Variants in MAGI3 observed in about 807,000 individuals in gnomAD.
MAGI3 encodes the protein membrane-associated guanylate kinase, WW and PDZ domain-containing protein 3.
MAGI3 carries 43 observed loss-of-function variants against 121.8 expected under a neutral mutation model. The observed-to-expected ratio is 0.35, with a 90% CI of 0.28 to 0.46. The LOEUF (loss-of-function observed/expected upper bound fraction) is 0.46. MAGI3 is among the 20% of genes least tolerant of loss of function. MAGI3 has a pLI of 1.00. For missense variants in MAGI3, 1,547 were observed against 1,797.3 expected, an observed-to-expected ratio of 0.86 and a Z score of 2.52; for synonymous variants, 553 against 639.3, an observed-to-expected ratio of 0.86 and a Z score of 2.04.
chr1:113,642,124 G>T lies in MAGI3; in HGVS notation c.1574G>T (p.Cys525Phe). ...NGQSLTKGET[C>F]MNPQDFKPGA... ...CAGTCATTAACCAAGGGAGAGACTTGCATGAATCCTCAGGATTTTAAGCCA... is the reference window on the plus strand; with the variant it reads ...CAGTCATTAACCAAGGGAGAGACTTTCATGAATCCTCAGGATTTTAAGCCA... Residue 525 changes from cysteine (C) to phenylalanine (F), a missense_variant, in exon 10 of 21, where the codon TGC (cysteine) becomes TTC (phenylalanine). Transcript: ENST00000307546. 6.2e-7 allele frequency: 1 copy of T among 1,614,172 alleles called. No individual in the cohort carries two copies. The highest frequency in any genetic ancestry group is 8.5e-7 in the Non-Finnish European group (1 of 1,180,040).
At chr1:113,542,515 T>A (rs192119293) in intron 1 of MAGI3, among the ~76,000 whole-genome samples, 10 of 152,372 alleles carry the variant, frequency 6.6e-5, no homozygotes, top group Admixed American at 6.5e-4. Flanking sequence ...TCTTTTATAA[T>A]GTTTCCACGT....
intron 8 of MAGI3, among the ~76,000 whole-genome samples, chr1:113,620,961 A>G (rs6693766): frequency 0.022 from 3,408 of 152,324 alleles, 131 homozygotes; most frequent in African/African-American, 0.077. Context: ...TTGACTAATA[A>G]ATGATAGTTT....
chr1:113,507,906 T>C (rs1657421570), intron 1 of MAGI3, among the ~76,000 whole-genome samples: 1 of 152,198 alleles, frequency 6.6e-6, no homozygotes, highest in African/African-American at 2.4e-5. Flanking sequence ...CCAGTATTCA[T>C]GTCAACCTTA....
intron 6 of MAGI3, among the ~76,000 whole-genome samples, chr1:113,602,126 G>T (rs989521478): frequency 9.9e-5 from 15 of 152,168 alleles, no homozygotes; most frequent in African/African-American, 3.6e-4. Context: ...AATGCTAAAT[G>T]ACGAGTTAAT....
chr1:113,635,135 A>G (rs1410242316), intron 9 of MAGI3, among the ~76,000 whole-genome samples: 8 of 152,194 alleles, frequency 5.3e-5, no homozygotes, highest in Non-Finnish European at 1.0e-4. Context: ...GGCTGAGACA[A>G]TGGGGTTTTC....
At chr1:113,554,177 C>T (rs1312022899) in intron 2 of MAGI3, among the ~76,000 whole-genome samples, 1 of 152,094 alleles carries the variant, frequency 6.6e-6, no homozygotes, top group Non-Finnish European at 1.5e-5. Flanking sequence ...AGAAATGACA[C>T]ATGATGGCAT....
At chr1:113,447,485 A>C (rs1047516063) in intron 1 of MAGI3, among the ~76,000 whole-genome samples, 5 of 152,262 alleles carry the variant, frequency 3.3e-5, no homozygotes, top group African/African-American at 7.2e-5. Flanking sequence ...TACAATGGGA[A>C]TTAAACTTCA....
At chr1:113,399,331 C>T (rs757313153) in intron 1 of MAGI3, among the ~76,000 whole-genome samples, 4 of 152,064 alleles carry the variant, frequency 2.6e-5, no homozygotes, top group Non-Finnish European at 5.9e-5. Flanking sequence ...TCTACCCTTG[C>T]AGCTGGGTAT....
chr1:113,614,123 TA>T (rs1650318543), intron 6 of MAGI3, among the ~76,000 whole-genome samples: 1 of 152,192 alleles, frequency 6.6e-6, no homozygotes, highest in African/African-American at 2.4e-5. Flanking sequence ...TTGTAGGTTT[TA>T]AGCAAATCTA....
Position 113,585,391 on chromosome 1 carries a change from C to T in MAGI3, c.558C>T (p.Asn186=). The change falls in exon 4 of 21, where the codon AAC becomes AAT. Residue 186 remains asparagine (N), a synonymous_variant. Transcript: ENST00000307546. The stretch of plus-strand genomic sequence containing the variant: ...CTGCTATTTTATTCACTTCAGGAAA[C>T]TTCTATGGAACTCCCAAGCCTCCAG... The part of the protein sequence containing the change: ...ALLESGTYDG[N]FYGTPKPPAE... The T allele has an allele frequency of 6.2e-7, 1 of 1,613,864 alleles. No homozygotes were observed. The highest frequency in any genetic ancestry group is 8.5e-7 in the Non-Finnish European group (1 of 1,179,840).
At chr1:113,465,095 C>G (rs1224761846) in intron 1 of MAGI3, among the ~76,000 whole-genome samples, 4 of 152,052 alleles carry the variant, frequency 2.6e-5, no homozygotes, top group African/African-American at 7.2e-5. Context: ...GAGCATCTCC[C>G]CAGTGTTTTC....
At chr1:113,559,951 A>G (rs1329146413) in intron 2 of MAGI3, among the ~76,000 whole-genome samples, 1 of 152,142 alleles carries the variant, frequency 6.6e-6, no homozygotes, top group Non-Finnish European at 1.5e-5. Context: ...CCCACTGACA[A>G]TAGTAGGCAG....
chr1:113,620,855 T>C (rs1045415694), intron 8 of MAGI3, among the ~76,000 whole-genome samples: 20 of 152,232 alleles, frequency 1.3e-4, no homozygotes, highest in African/African-American at 4.3e-4. Context: ...TTTCTTCATA[T>C]ATAAAGTAGG....
chr1:113,605,545 A>G (rs1162528280), intron 6 of MAGI3, among the ~76,000 whole-genome samples: 1 of 152,194 alleles, frequency 6.6e-6, no homozygotes, highest in Non-Finnish European at 1.5e-5. Context: ...TTGAGGTGAC[A>G]GTTACACAGG....
At chr1:113,677,487 T>A (rs1647947994) in intron 19 of MAGI3, among the ~76,000 whole-genome samples, 1 of 152,224 alleles carries the variant, frequency 6.6e-6, no homozygotes, top group Non-Finnish European at 1.5e-5. Context: ...GTTCATGTGC[T>A]TTCCGCTATG....
chr1:113,423,263 G>GT (rs1371750109), intron 1 of MAGI3, among the ~76,000 whole-genome samples: 2 of 148,544 alleles, frequency 1.3e-5, no homozygotes, highest in Non-Finnish European at 3.0e-5. Context: ...TTTTTTTGGG[G>GT]GGGGGGTTGT....
chr1:113,665,878 C>G (rs1293788759), intron 16 of MAGI3, among the ~76,000 whole-genome samples: 1 of 152,102 alleles, frequency 6.6e-6, no homozygotes, highest in African/African-American at 2.4e-5. Context: ...GGAGATACTG[C>G]AGGTTCAGTT....
chr1:113,584,516 G>A (rs2101725563), intron 3 of MAGI3, among the ~76,000 whole-genome samples: 1 of 150,514 alleles, frequency 6.6e-6, no homozygotes. Flanking sequence ...ATAATAGAAT[G>A]CTCAGAAAAA....
rs1647938039 is a variant in MAGI3 at position 113,677,366 on chromosome 1, C to A, written c.3190-3832C>A. On this transcript the variant is annotated intron_variant, in intron 19 of 20. Coordinates refer to ENST00000307546, the MANE Select transcript of MAGI3 (RefSeq NM_001142782.2). Reference sequence around the variant, plus strand: ...AGATAGGTGACATTATCCCCACTTACAGATTTAAAACTGAGGCTCAAGGAG... The same window carrying A: ...AGATAGGTGACATTATCCCCACTTAAAGATTTAAAACTGAGGCTCAAGGAG... Among the ~76,000 whole-genome samples, 3 of 152,312 alleles carry A rather than the reference C, an allele frequency of 2.0e-5. No individual in the cohort carries two copies. The South Asian group carries it at 6.2e-4, about 32-fold the overall frequency.
Sources: allele counts gnomAD v4.1 joint callset (sites outside exome capture counted in the v4.1 genomes callset), GRCh38; gene constraint gnomAD v4.1.1; transcripts MANE v1.5; gene names NCBI Gene and HGNC (gene_info 2026-07-23, HGNC 2026-07-21).